NCKAP5: variants seen among roughly 807,000 people sequenced by gnomAD.
NCKAP5 encodes nck-associated protein 5.
A neutral mutation model predicts 167.0 loss-of-function variants in NCKAP5; 92 were observed. The observed-to-expected ratio is 0.55, with a 90% CI of 0.47 to 0.66. The LOEUF is 0.66. Among genes scored for constraint, NCKAP5 ranks in the 30% least tolerant of loss-of-function variants. The pLI is 0.00. For missense variants in NCKAP5, 2,378 were observed against 2,315.0 expected, an observed-to-expected ratio of 1.03 and a Z score of -0.56; for synonymous variants, 891 against 877.4, an observed-to-expected ratio of 1.02 and a Z score of -0.27.
At chr2:133,069,298 A>C (rs982665653) in intron 6 of NCKAP5, among the ~76,000 whole-genome samples, 12 of 152,214 alleles carry the variant, frequency 7.9e-5, no homozygotes, top group African/African-American at 2.4e-4. Context: ...TTGTTATTTT[A>C]TTATCTTTCT....
intron 6 of NCKAP5, among the ~76,000 whole-genome samples, chr2:133,030,494 G>A (rs1036110665): frequency 6.6e-6 from 1 of 152,142 alleles, no homozygotes; most frequent in Non-Finnish European, 1.5e-5. Context: ...TTTAAATGGT[G>A]GAAAGGATCT....
chr2:133,434,605 T>A (rs1352871648), intron 3 of NCKAP5, among the ~76,000 whole-genome samples: 1 of 152,248 alleles, frequency 6.6e-6, no homozygotes, highest in Non-Finnish European at 1.5e-5. Context: ...GAGTTAAATA[T>A]GTGAAAACAC....
At chr2:133,258,555 G>A (rs1474449626) in intron 4 of NCKAP5, among the ~76,000 whole-genome samples, 1 of 151,992 alleles carries the variant, frequency 6.6e-6, no homozygotes, top group African/African-American at 2.4e-5. Context: ...ACCAACCTGT[G>A]CAACATGGCA....
intron 3 of NCKAP5, among the ~76,000 whole-genome samples, chr2:133,478,151 T>A (rs1048704264): frequency 2.0e-5 from 3 of 152,196 alleles, no homozygotes; most frequent in Non-Finnish European, 4.4e-5. Context: ...AAATCTGGTT[T>A]CAAACTCACT....
At chr2:133,369,200 C>A (rs1480046280) in intron 3 of NCKAP5, among the ~76,000 whole-genome samples, 2 of 152,200 alleles carry the variant, frequency 1.3e-5, no homozygotes, top group African/African-American at 4.8e-5. Context: ...ACTTAAACTG[C>A]ATGAATGTTC....
chr2:133,020,848 C>G (rs2149390361), intron 6 of NCKAP5, among the ~76,000 whole-genome samples: 1 of 152,206 alleles, frequency 6.6e-6, no homozygotes, highest in South Asian at 2.1e-4. Context: ...AAGCAATCAC[C>G]AAACGGACAA....
rs573633619 is a variant in NCKAP5, at chr2:133,547,049, G to T, written c.-62+12001C>A. Among the ~76,000 whole-genome samples the T allele has an allele frequency of 3.3e-5, 5 of 152,340 alleles. No homozygotes were observed. In the East Asian group the frequency reaches 9.7e-4, roughly 29 times the overall value. On this transcript the variant is annotated intron_variant, in intron 2 of 19. Coordinates refer to ENST00000409261, the MANE Select transcript of NCKAP5 (RefSeq NM_207363.3). ...CCGTGCGCGAGCTGAAGCAGGGCGAGGCATTGCCTCACTTGGGAAGTGCAA... is the reference window on the plus strand; with the variant it reads ...CCGTGCGCGAGCTGAAGCAGGGCGATGCATTGCCTCACTTGGGAAGTGCAA...
At chr2:132,825,365 G>A (rs1317265313) in intron 11 of NCKAP5, among the ~76,000 whole-genome samples, 1 of 152,130 alleles carries the variant, frequency 6.6e-6, no homozygotes, top group Non-Finnish European at 1.5e-5. Flanking sequence ...CCTTGTTAAC[G>A]ATATAGTTCA....
intron 4 of NCKAP5, chr2:133,264,927 T>C (rs533503694): frequency 3.3e-5 from 5 of 152,196 alleles, no homozygotes; most frequent in South Asian, 2.1e-4. Flanking sequence ...CCCCACAAAA[T>C]AGGCAAAAGC....
At chr2:132,878,652 A>G (rs1366214984) in intron 9 of NCKAP5, among the ~76,000 whole-genome samples, 196 bp downstream of exon 9, 33 of 42,644 alleles carry the variant, frequency 7.7e-4, no homozygotes, top group East Asian at 1.9e-3. Flanking sequence ...ACACACACAC[A>G]CACGCACGCA....
chr2:133,552,679 G>T (rs1432018569), intron 2 of NCKAP5, among the ~76,000 whole-genome samples: 1 of 145,750 alleles, frequency 6.9e-6, no homozygotes, highest in African/African-American at 2.6e-5. Context: ...GCACCAGCAT[G>T]GCACATGTAT....
At chr2:133,019,239 T>C (rs924961844) in intron 6 of NCKAP5, among the ~76,000 whole-genome samples, 11 of 152,188 alleles carry the variant, frequency 7.2e-5, no homozygotes, top group Non-Finnish European at 1.3e-4. Context: ...ACTCAATACG[T>C]TGCAGCTCTT....
chr2:133,206,266 A>T (rs2085947936), intron 5 of NCKAP5, among the ~76,000 whole-genome samples: 1 of 152,206 alleles, frequency 6.6e-6, no homozygotes, highest in South Asian at 2.1e-4. Context: ...AATATTTTAT[A>T]CTATGTGTGT....
At chr2:132,822,442 A>T (rs996183804) in intron 11 of NCKAP5, among the ~76,000 whole-genome samples, 23 of 152,112 alleles carry the variant, frequency 1.5e-4, no homozygotes, top group Admixed American at 7.2e-4. Context: ...GCATGGATAG[A>T]CCCAGAAGAG....
intron 6 of NCKAP5, among the ~76,000 whole-genome samples, chr2:133,112,010 T>C (rs2081930777): frequency 6.6e-6 from 1 of 151,962 alleles, no homozygotes; most frequent in African/African-American, 2.4e-5. Flanking sequence ...GAAACAGAAA[T>C]CCAGCTGGGA....
At chr2:133,653,926 T>C in the NCKAP5 span, among the ~76,000 whole-genome samples, 175 of 152,310 alleles carry the variant, frequency 1.1e-3, 1 homozygote, top group African/African-American at 3.9e-3. Context: ...AGTATTGTTA[T>C]TATTACAATT....
At chr2:132,944,551 G>A (rs892917652) in intron 8 of NCKAP5, among the ~76,000 whole-genome samples, 1 of 152,132 alleles carries the variant, frequency 6.6e-6, no homozygotes, top group Non-Finnish European at 1.5e-5. Context: ...GCTGGTTAGC[G>A]CAGTAGCCTG....
intron 3 of NCKAP5, among the ~76,000 whole-genome samples, chr2:133,509,890 T>C (rs1575080621): frequency 6.6e-6 from 1 of 152,152 alleles, no homozygotes; most frequent in South Asian, 2.1e-4. Flanking sequence ...CAGAAGTAGG[T>C]ATTATGCCAG....
chr2:133,022,695 T>C (rs1339823713), intron 6 of NCKAP5, among the ~76,000 whole-genome samples: 1 of 152,168 alleles, frequency 6.6e-6, no homozygotes, highest in Non-Finnish European at 1.5e-5. Context: ...CCTCGGAAGA[T>C]GGTAATATGC....
Sources: gnomAD v4.1 joint callset for allele counts (sites outside exome capture counted in the v4.1 genomes callset) on GRCh38, gnomAD v4.1.1 for gene constraint, MANE v1.5 for transcripts, NCBI Gene and HGNC (gene_info 2026-07-23, HGNC 2026-07-21) for gene names.